The following MANBA variants were observed in gnomAD, a reference collection of about 807,000 sequenced individuals.
MANBA encodes mannosidase beta, also known as beta-mannosidase.
A neutral mutation model predicts 111.1 loss-of-function variants in MANBA; 83 were observed. That is an observed-to-expected ratio of 0.75 (90% CI 0.63 to 0.90). MANBA has a LOEUF of 0.90. MANBA is among the 40% of genes least tolerant of loss of function. MANBA has a pLI of 0.00. For missense variants in MANBA, 1,036 were observed against 1,069.0 expected (o/e 0.97, Z 0.43); for synonymous variants, 370 against 378.7 (o/e 0.98, Z 0.27).
chr4:102,672,990 A>G (rs1300838110), intron 8 of MANBA, among the ~76,000 whole-genome samples: 1 of 151,800 alleles, frequency 6.6e-6, no homozygotes, highest in Non-Finnish European at 1.5e-5. Context: ...TCACTTATTT[A>G]CCATGAATCC....
intron 10 of MANBA, chr4:102,666,303 C>T (rs1040955988): frequency 1.3e-5 from 2 of 152,166 alleles, no homozygotes; most frequent in African/African-American, 4.8e-5. Context: ...AAAAATAAAA[C>T]TGAAATGCTT....
intron 12 of MANBA, chr4:102,650,925 T>TCC: frequency 2.0e-6 from 1 of 510,990 alleles, no homozygotes; most frequent in Non-Finnish European, 3.5e-6. Flanking sequence ...ACATATATCC[T>TCC]CCCTTCCTCC....
chr4:102,711,570 G>C (rs1722066802), intron 5 of MANBA, among the ~76,000 whole-genome samples: 1 of 152,146 alleles, frequency 6.6e-6, no homozygotes, highest in Non-Finnish European at 1.5e-5. Flanking sequence ...ACTAATAGTA[G>C]AGTCATTACC....
intron 8 of MANBA, among the ~76,000 whole-genome samples, chr4:102,673,316 G>A (rs1731575439): frequency 6.6e-6 from 1 of 152,090 alleles, no homozygotes; most frequent in Non-Finnish European, 1.5e-5. Context: ...AGACCAGCCT[G>A]GCCTACATAG....
rs951321785 is a variant in MANBA at position 102,658,430 on chromosome 4, G to A, written c.1486-530C>T. On this transcript the variant is annotated intron_variant, in intron 11 of 16. Coordinates refer to ENST00000647097, the MANE Select transcript of MANBA (RefSeq NM_005908.4). ...TGAGAACCACAGGTCTAACAGGTAA[G>A]AACAGAAGCTACTGAGTCAGATGGA... 6.0e-4 allele frequency among the ~76,000 whole-genome samples: 92 copies of A among 152,328 alleles called. 1 individual carries two copies. The highest frequency in any genetic ancestry group is 2.1e-3 in the African/African-American group (89 of 41,572).
intron 1 of MANBA, chr4:102,734,408 C>T (rs1185970211): frequency 6.2e-7 from 1 of 1,609,956 alleles, no homozygotes; most frequent in East Asian, 2.2e-5. Context: ...AGCCCACTTT[C>T]CTGGAGAACC....
intron 1 of MANBA, chr4:102,728,180 A>G: frequency 1.9e-6 from 1 of 538,970 alleles, no homozygotes; most frequent in Admixed American, 1.9e-5. Flanking sequence ...CCCCTGCTCT[A>G]TGTGAGGCTG....
At chr4:102,716,032 G>A (rs961398444) in intron 4 of MANBA, among the ~76,000 whole-genome samples, 34 of 152,112 alleles carry the variant, frequency 2.2e-4, no homozygotes, top group South Asian at 1.9e-3. Flanking sequence ...TGAGGAGGCC[G>A]GGCGCAGTGG....
chr4:102,760,009 T>A (rs1724175513), intron 1 of MANBA, among the ~76,000 whole-genome samples: 1 of 152,018 alleles, frequency 6.6e-6, no homozygotes, highest in Non-Finnish European at 1.5e-5. Context: ...TGGAAGTCAG[T>A]TTGCAAACCT....
intron 7 of MANBA, among the ~76,000 whole-genome samples, chr4:102,687,220 A>G (rs1487958299): frequency 6.6e-6 from 1 of 152,036 alleles, no homozygotes; most frequent in African/African-American, 2.4e-5. Context: ...TCTCTTTCAG[A>G]TTTATTTCCT....
chr4:102,633,356 G>A (rs1229175085), intron 16 of MANBA: 4 of 398,568 alleles, frequency 1.0e-5, no homozygotes, highest in Non-Finnish European at 1.8e-5. Context: ...AGCTTCTGCT[G>A]CTCCAAGACC....
rs899367094 is a variant in MANBA at position 102,652,517 on chromosome 4, C to A, written c.1705-1816G>T. Among the ~76,000 whole-genome samples the A allele has an allele frequency of 1.7e-4, 26 of 152,048 alleles. 1 individual carries two copies. Among genetic ancestry groups the A allele is most frequent in the Admixed American group, 6.6e-5 (1 of 15,266 alleles). On this transcript the variant is annotated intron_variant, in intron 12 of 16. Transcript: ENST00000647097. ...GCTATAATAATATTACCAGAAAGAA[C>A]TGGAAATGGCCAGGCAAAGTTCTAA...
At chr4:102,655,777 T>C (rs1343445342) in intron 12 of MANBA, among the ~76,000 whole-genome samples, 5 of 152,156 alleles carry the variant, frequency 3.3e-5, no homozygotes, top group African/African-American at 7.2e-5. Flanking sequence ...AAAGAACAGA[T>C]TGGTAAGTAA....
chr4:102,636,450 AC>A (rs1729638126), intron 14 of MANBA, among the ~76,000 whole-genome samples: 1 of 152,238 alleles, frequency 6.6e-6, no homozygotes, highest in African/African-American at 2.4e-5. Flanking sequence ...ATCTCATGGG[AC>A]CACCATCATA....
At chr4:102,674,887 T>TA (rs1468798677) in intron 7 of MANBA, among the ~76,000 whole-genome samples, 3 of 152,242 alleles carry the variant, frequency 2.0e-5, no homozygotes, top group East Asian at 1.9e-4. Context: ...TTCTCTAACT[T>TA]AAAAAATCAG....
At chr4:102,646,441 T>C (rs889918856) in intron 13 of MANBA, among the ~76,000 whole-genome samples, 3 of 152,086 alleles carry the variant, frequency 2.0e-5, no homozygotes, top group Non-Finnish European at 4.4e-5. Context: ...ATCAAGTTAC[T>C]TACAGCACAG....
At chr4:102,675,322 A>C (rs143669418) in intron 7 of MANBA, among the ~76,000 whole-genome samples, 1 of 152,200 alleles carries the variant, frequency 6.6e-6, no homozygotes, top group East Asian at 1.9e-4. Flanking sequence ...ATGTGTGCCT[A>C]CTTCATCACT....
At chr4:102,722,826 C>T in intron 4 of MANBA, 45 bp downstream of exon 4, 3 of 1,580,892 alleles carry the variant, frequency 1.9e-6, no homozygotes, top group South Asian at 1.1e-5. Flanking sequence ...TGCCAGCACA[C>T]CCCGTCCTCA....
At chr4:102,746,415 G>A (rs1321839156) in intron 1 of MANBA, among the ~76,000 whole-genome samples, 1 of 152,116 alleles carries the variant, frequency 6.6e-6, no homozygotes, top group African/African-American at 2.4e-5. Context: ...GCAGGTGTGA[G>A]GCTCAGTACT....
Sources: allele counts gnomAD v4.1 joint callset (sites outside exome capture counted in the v4.1 genomes callset), GRCh38; gene constraint gnomAD v4.1.1; transcripts MANE v1.5; gene names NCBI Gene and HGNC (gene_info 2026-07-23, HGNC 2026-07-21).